Variants in GNAO1 observed in about 807,000 individuals in gnomAD.
The protein encoded by GNAO1 is G protein subunit alpha o1.
For missense variants in GNAO1, 166 were observed against 478.7 expected (o/e 0.35, Z 6.10); for synonymous variants, 164 against 180.7 (o/e 0.91, Z 0.74).
rs183163763 is a variant in GNAO1 at position 56,223,885 on chromosome 16, G to A, written c.161+31269G>A. On this transcript the variant is annotated intron_variant, in intron 2 of 8. Coordinates refer to ENST00000262493, the MANE Select transcript of GNAO1 (RefSeq NM_020988.3). ...ATCTCTTTCATCCCCCACAGGGCTG[G>A]CCCACAAAAGATGTTCAGTAAATGG... 2.0e-5 allele frequency among the ~76,000 whole-genome samples: 3 copies of A among 152,342 alleles called. No homozygotes were observed. The East Asian group carries it at 5.8e-4, about 29-fold the overall frequency.
Position 56,303,331 on chromosome 16 carries a change from C to G in GNAO1, c.304-25300C>G, listed in dbSNP as rs971867985. Among the ~76,000 whole-genome samples, 5 of 152,340 alleles carry G rather than the reference C, an allele frequency of 3.3e-5. No homozygotes were observed. The East Asian group carries it at 9.6e-4, about 29-fold the overall frequency. On this transcript the variant is annotated intron_variant, in intron 3 of 8. Coordinates refer to ENST00000262493, the MANE Select transcript of GNAO1 (RefSeq NM_020988.3). Reference sequence around the variant, plus strand: ...AGCAACCAAGTGGTGTGATGCTGAGCTCAGGGTGGGGTCAGAGGAGAGCCC... The same window carrying G: ...AGCAACCAAGTGGTGTGATGCTGAGGTCAGGGTGGGGTCAGAGGAGAGCCC...
chr16:56,331,449 C>T (rs1162255582), intron 4 of GNAO1, among the ~76,000 whole-genome samples: 1 of 152,214 alleles, frequency 6.6e-6, no homozygotes, highest in Non-Finnish European at 1.5e-5. Flanking sequence ...CTATCGAGCT[C>T]TTGCTCCTCC....
intron 2 of GNAO1, among the ~76,000 whole-genome samples, chr16:56,256,681 T>G (rs2036849835): frequency 7.4e-6 from 1 of 135,848 alleles, no homozygotes; most frequent in African/African-American, 2.9e-5. Flanking sequence ...AGTCTCTTTC[T>G]CTCTGTCTCT....
At chr16:56,273,268 A>G (rs2037034208) in intron 2 of GNAO1, among the ~76,000 whole-genome samples, 2 of 152,140 alleles carry the variant, frequency 1.3e-5, no homozygotes, top group South Asian at 4.1e-4. Flanking sequence ...TTTTATTGCC[A>G]TGTTTTCAAG....
intron 1 of GNAO1, 35 bp from the exon 2 acceptor site, chr16:56,192,535 ACACT>A: frequency 8.4e-7 from 1 of 1,196,432 alleles, no homozygotes; most frequent in Non-Finnish European, 1.2e-6. Context: ...CCTTAAGCTG[ACACT>A]CACCAGTTTT....
At chr16:56,292,387 G>A (rs577866387) in intron 3 of GNAO1, among the ~76,000 whole-genome samples, 1 of 152,196 alleles carries the variant, frequency 6.6e-6, no homozygotes, top group South Asian at 2.1e-4. Flanking sequence ...TTTAAGACAA[G>A]GTCTAGCTTT....
At chr16:56,211,803 T>G (rs1220307759) in intron 2 of GNAO1, among the ~76,000 whole-genome samples, 2 of 152,194 alleles carry the variant, frequency 1.3e-5, no homozygotes, top group Non-Finnish European at 2.9e-5. Context: ...GCTGGCTGCA[T>G]ACAAGGAGAG....
intron 3 of GNAO1, among the ~76,000 whole-genome samples, chr16:56,310,071 G>A (rs1181695295): frequency 1.3e-5 from 2 of 152,042 alleles, no homozygotes; most frequent in South Asian, 2.1e-4. Flanking sequence ...AAGTGCTTTG[G>A]GAGGCCAAGG....
chr16:56,228,250 G>A (rs1388370900), intron 2 of GNAO1, among the ~76,000 whole-genome samples: 1 of 152,168 alleles, frequency 6.6e-6, no homozygotes, highest in African/African-American at 2.4e-5. Flanking sequence ...CCACCACCAG[G>A]CCAGACTGGA....
At chr16:56,260,400 C>T (rs922900758) in intron 2 of GNAO1, among the ~76,000 whole-genome samples, 3 of 152,176 alleles carry the variant, frequency 2.0e-5, no homozygotes, top group East Asian at 3.9e-4. Context: ...CAATTTTAGG[C>T]TTGATTCACA....
chr16:56,345,051 C>T (rs1343208220), intron 6 of GNAO1: 61 of 985,234 alleles, frequency 6.2e-5, no homozygotes, highest in Non-Finnish European at 7.3e-5. Context: ...AGCACAAACA[C>T]ACCCCCCTGT....
chr16:56,223,048 C>T (rs2036505226), intron 2 of GNAO1, among the ~76,000 whole-genome samples: 1 of 152,160 alleles, frequency 6.6e-6, no homozygotes, highest in African/African-American at 2.4e-5. Context: ...CAATTGGCCA[C>T]AGATTTTGTG....
chr16:56,192,646 T>G (rs2036188584), intron 2 of GNAO1, 30 bp downstream of exon 2: 1 of 1,393,460 alleles, frequency 7.2e-7, no homozygotes, highest in Non-Finnish European at 1.0e-6. Context: ...GGATTCGTAC[T>G]TTTATTAAGA....
intron 6 of GNAO1, chr16:56,347,350 G>C: frequency 1.0e-6 from 1 of 985,542 alleles, no homozygotes; most frequent in Non-Finnish European, 1.2e-6. Context: ...CTGCTGTCAG[G>C]CCGCAAGCCT....
chr16:56,328,833 A>ATGC, intron 4 of GNAO1, 42 bp downstream of exon 4: 1 of 1,599,662 alleles, frequency 6.3e-7, no homozygotes, highest in Admixed American at 1.7e-5. Flanking sequence ...CCGGGCAGTG[A>ATGC]TGCGGGAGTG....
At chr16:56,310,201 T>G (rs2037441722) in intron 3 of GNAO1, among the ~76,000 whole-genome samples, 1 of 151,896 alleles carries the variant, frequency 6.6e-6, no homozygotes, top group Non-Finnish European at 1.5e-5. Context: ...TGTGGTGTGC[T>G]CCCGTAGTCC....
At chr16:56,304,995 C>T (rs924217861) in intron 3 of GNAO1, among the ~76,000 whole-genome samples, 1 of 152,326 alleles carries the variant, frequency 6.6e-6, no homozygotes, top group Non-Finnish European at 1.5e-5. Context: ...TTATTCTGCT[C>T]CCCCTGTGAC....
intron 6 of GNAO1, chr16:56,345,926 A>C: frequency 1.0e-6 from 1 of 985,500 alleles, no homozygotes; most frequent in Non-Finnish European, 1.2e-6. Flanking sequence ...ACTGGGCTGG[A>C]GGGCTCTCCA....
intron 5 of GNAO1, chr16:56,336,269 G>T (rs7195671): frequency 0.31 from 50,677 of 163,868 alleles, 8,350 homozygotes; most frequent in South Asian, 0.38. Context: ...GCTTGGGCAT[G>T]TCCTAAGCCC....
Sources: gnomAD v4.1 joint callset for allele counts (sites outside exome capture counted in the v4.1 genomes callset) on GRCh38, gnomAD v4.1.1 for gene constraint, MANE v1.5 for transcripts, NCBI Gene and HGNC (gene_info 2026-07-23, HGNC 2026-07-21) for gene names.